Variants in DIS3L2 observed in about 807,000 individuals in gnomAD.
The protein encoded by DIS3L2 is DIS3-like exonuclease 2.
In DIS3L2, 34 loss-of-function variants were observed where a neutral mutation model predicts 97.5. That is an observed-to-expected ratio of 0.35 (90% confidence interval 0.27 to 0.46). The LOEUF (loss-of-function observed/expected upper bound fraction) is 0.46. Among genes scored for constraint, DIS3L2 ranks in the 20% least tolerant of loss-of-function variants. The probability of loss-of-function intolerance (pLI) is 1.00; values close to 1 mark genes in which losing one functional copy is unlikely to be tolerated. For synonymous variants in DIS3L2, 435 were observed against 445.2 expected (o/e 0.98, Z 0.29); for missense variants, 1,038 against 1,146.0 (o/e 0.91, Z 1.36).
At chr2:232,197,983 A>G (rs1486323197) in intron 9 of DIS3L2, among the ~76,000 whole-genome samples, 2 of 151,406 alleles carry the variant, frequency 1.3e-5, no homozygotes, top group Non-Finnish European at 2.9e-5. Flanking sequence ...AAAAAAAAAG[A>G]AAAGTCTGGA....
intron 14 of DIS3L2, among the ~76,000 whole-genome samples, chr2:232,328,161 T>C (rs1482794464): frequency 6.6e-6 from 1 of 152,164 alleles, no homozygotes; most frequent in Non-Finnish European, 1.5e-5. Flanking sequence ...ATGCTCCTCC[T>C]TTTACCTGCT....
Position 232,015,522 on chromosome 2 carries a change from G to A in DIS3L2, c.61G>A (p.Ala21Thr). The A allele has an allele frequency of 6.2e-7, 1 of 1,613,874 alleles. No homozygotes were observed. The highest frequency in any genetic ancestry group is 8.5e-7 in the Non-Finnish European group (1 of 1,179,846). ...CTGCCTCCTGTTTCTAGGTGTGTCT[G>A]CTGTGGCTGGTCCACATGACATTGG... is the stretch of plus-strand genomic sequence containing the variant. ...RPLGTPRGVS[A>T]VAGPHDIGAS... The change falls in exon 3 of 21, where the codon GCT becomes ACT. Residue 21 changes from alanine (A) to threonine (T), a missense_variant. Transcript: ENST00000325385.
chr2:232,076,777 T>C (rs1696200563), intron 5 of DIS3L2, among the ~76,000 whole-genome samples: 1 of 152,214 alleles, frequency 6.6e-6, no homozygotes. Context: ...GTTTTTTATA[T>C]ATATTTAAAA....
At chr2:232,329,786 C>CCCGGGGGGCG in intron 14 of DIS3L2, 27 bp from the exon 15 acceptor site, 14 of 430,238 alleles carry the variant, frequency 3.3e-5, no homozygotes, top group Non-Finnish European at 5.9e-5. Flanking sequence ...CCCCAGCGGT[C>CCCGGGGGGCG]CCTCCCATCC....
At position 232,334,478 on chromosome 2, in the gene DIS3L2, C is replaced by G. The variant is rs779983578; in HGVS notation, c.2268C>G (p.Leu756=). The change falls in exon 18 of 21, where the codon CTC becomes CTG. Residue 756 remains leucine, a synonymous_variant. Transcript: ENST00000325385. ...GCGTGCAGGAGCTCAGTACCAGTCTCTTCTTTGCTGTTCTGGTCAAGGTGA... is the reference window on the plus strand; with the variant it reads ...GCGTGCAGGAGCTCAGTACCAGTCTGTTCTTTGCTGTTCTGGTCAAGGTGA... ...SKRVQELSTS[L]FFAVLVKESG... The G allele has an allele frequency of 1.2e-6, 2 of 1,613,932 alleles. No homozygotes were observed. The highest frequency in any genetic ancestry group is 1.7e-5 in the Admixed American group (1 of 60,020).
chr2:232,304,918 A>G (rs1414368285), intron 14 of DIS3L2, among the ~76,000 whole-genome samples: 1 of 152,032 alleles, frequency 6.6e-6, no homozygotes, highest in Non-Finnish European at 1.5e-5. Flanking sequence ...GTTAGAAACC[A>G]TCTTATTTCA....
chr2:232,114,033 T>C (rs1697623940), intron 6 of DIS3L2, among the ~76,000 whole-genome samples: 1 of 152,186 alleles, frequency 6.6e-6, no homozygotes, highest in Admixed American at 6.5e-5. Context: ...TGGCCTCCAC[T>C]CAGGAACTGA....
At chr2:232,176,813 T>A (rs1363825415) in intron 9 of DIS3L2, among the ~76,000 whole-genome samples, 3 of 150,516 alleles carry the variant, frequency 2.0e-5, no homozygotes, top group Non-Finnish European at 4.4e-5. Flanking sequence ...ATTATTATTT[T>A]TTAAATTATA....
chr2:232,197,926 C>G (rs1268286958), intron 9 of DIS3L2, among the ~76,000 whole-genome samples: 7 of 151,132 alleles, frequency 4.6e-5, no homozygotes, highest in Non-Finnish European at 8.8e-5. Context: ...GACCGCACCA[C>G]TGCACTCCAG....
intron 6 of DIS3L2, among the ~76,000 whole-genome samples, chr2:232,108,253 A>G (rs977316744): frequency 1.3e-5 from 2 of 152,244 alleles, no homozygotes; most frequent in African/African-American, 4.8e-5. Flanking sequence ...CATCAGATAA[A>G]GAGAACTAAA....
At chr2:232,263,055 C>A in intron 12 of DIS3L2, 152 bp from the exon 13 acceptor site, 1 of 776,388 alleles carries the variant, frequency 1.3e-6, no homozygotes, top group Non-Finnish European at 2.1e-6. Context: ...TCTGATTCAT[C>A]TGGGTGCCTA....
chr2:232,249,437 T>TGCC, intron 12 of DIS3L2, 91 bp downstream of exon 12: 4 of 1,358,296 alleles, frequency 2.9e-6, no homozygotes, highest in Non-Finnish European at 4.1e-6. Context: ...CTGGCTTGGG[T>TGCC]GCCATGGTGG....
intron 8 of DIS3L2, among the ~76,000 whole-genome samples, chr2:232,140,794 CT>C (rs1698489090): frequency 6.6e-6 from 1 of 152,118 alleles, no homozygotes; most frequent in Non-Finnish European, 1.5e-5. Context: ...ACATTGGAGA[CT>C]TCCAGTTGTT....
chr2:232,070,750 A>G (rs7567012), intron 5 of DIS3L2, among the ~76,000 whole-genome samples: 71,380 of 151,858 alleles, frequency 0.47, 18,880 homozygotes, highest in Non-Finnish European at 0.6. Flanking sequence ...ACACCCAGCT[A>G]ACGTTTGTAT....
Position 232,247,381 on chromosome 2 carries a change from C to T in DIS3L2, c.1318-1858C>T, listed in dbSNP as rs144777896. On this transcript the variant is annotated intron_variant, in intron 11 of 20. Coordinates refer to ENST00000325385, the MANE Select transcript of DIS3L2 (RefSeq NM_152383.5). ...TCCCATATCAAGGTGCTAGCCAATT[C>T]GGTTCCTGGTGATGGTCTCTTCTTG... Among the ~76,000 whole-genome samples the T allele has an allele frequency of 1.6e-3, 241 of 152,182 alleles. 3 individuals carry two copies. The East Asian group carries it at 0.039, about 24-fold the overall frequency.
chr2:232,200,811 G>A (rs1251526814), intron 9 of DIS3L2, among the ~76,000 whole-genome samples: 1 of 142,800 alleles, frequency 7.0e-6, no homozygotes, highest in Non-Finnish European at 1.5e-5. Context: ...TTGAGATGGA[G>A]TCTTGTCTGT....
At chr2:232,145,362 A>G (rs761800171) in intron 8 of DIS3L2, among the ~76,000 whole-genome samples, 1 of 152,150 alleles carries the variant, frequency 6.6e-6, no homozygotes, top group African/African-American at 2.4e-5. Flanking sequence ...ATTATCCTAT[A>G]TCCAGCCATC....
chr2:232,264,891 C>T (rs539156500), intron 13 of DIS3L2, among the ~76,000 whole-genome samples: 5 of 152,202 alleles, frequency 3.3e-5, no homozygotes, highest in Non-Finnish European at 2.9e-5. Flanking sequence ...CTGGAGTTCT[C>T]CTGCTCCTCC....
chr2:231,982,921 C>A (rs548363637), intron 1 of DIS3L2, among the ~76,000 whole-genome samples: 1 of 152,194 alleles, frequency 6.6e-6, no homozygotes, highest in South Asian at 2.1e-4. Context: ...CTCAGATGAT[C>A]CACCCACCTC....
Sources: allele counts gnomAD v4.1 joint callset (sites outside exome capture counted in the v4.1 genomes callset), GRCh38; gene constraint gnomAD v4.1.1; transcripts MANE v1.5; gene names NCBI Gene and HGNC (gene_info 2026-07-23, HGNC 2026-07-21).